The following C13orf46 variants were observed in gnomAD, a reference collection of about 807,000 sequenced individuals.
The protein encoded by C13orf46 is chromosome 13 open reading frame 46.
At chr13:113,945,600 A>T in the C13orf46 span, among the ~76,000 whole-genome samples, 3 of 131,580 alleles carry the variant, frequency 2.3e-5, no homozygotes, top group South Asian at 7.5e-4. Context: ...AGAGAAAGAA[A>T]GAAAGAAGAA....
chr13:113,929,956 C>T, the C13orf46 span, among the ~76,000 whole-genome samples: 1 of 152,218 alleles, frequency 6.6e-6, no homozygotes, highest in South Asian at 2.1e-4. Context: ...TCTTGCCAGG[C>T]CTGGGAGCAG....
chr13:113,936,746 G>C, the C13orf46 span, among the ~76,000 whole-genome samples: 1 of 152,090 alleles, frequency 6.6e-6, no homozygotes, highest in Non-Finnish European at 1.5e-5. Flanking sequence ...GTCGGGGTGT[G>C]GGAAATGGTC....
the C13orf46 span, among the ~76,000 whole-genome samples, chr13:113,937,979 G>A: frequency 0.13 from 19,822 of 152,180 alleles, 1,368 homozygotes; most frequent in Middle Eastern, 0.15. Flanking sequence ...TGAGGCAGGC[G>A]TGTAGCTTTT....
chr13:113,933,949 C>T, the C13orf46 span, among the ~76,000 whole-genome samples: 4 of 152,254 alleles, frequency 2.6e-5, no homozygotes, highest in South Asian at 2.1e-4. Flanking sequence ...ATTCTGGGTA[C>T]GACTCCGTGT....
chr13:113,935,626 C>G, the C13orf46 span, among the ~76,000 whole-genome samples: 1 of 152,224 alleles, frequency 6.6e-6, no homozygotes, highest in African/African-American at 2.4e-5. Flanking sequence ...CCTGGAAGGG[C>G]CAAACTGGCA....
chr13:113,965,839 G>GTGA (rs1308360080), intron 5 of C13orf46, among the ~76,000 whole-genome samples: 88,338 of 136,736 alleles, frequency 0.65, 27,812 homozygotes, highest in African/African-American at 0.78. Flanking sequence ...AATGGTGATG[G>GTGA]TGATGATGGT....
chr13:113,960,573 A>G (rs1304191345), intron 6 of C13orf46, among the ~76,000 whole-genome samples: 3 of 152,314 alleles, frequency 2.0e-5, no homozygotes, highest in Admixed American at 1.3e-4. Flanking sequence ...TTTTTCCTCC[A>G]GTTCTAACTC....
chr13:113,969,868 G>T (rs996895660), intron 2 of C13orf46, among the ~76,000 whole-genome samples: 192 of 152,262 alleles, frequency 1.3e-3, no homozygotes, highest in Non-Finnish European at 2.1e-3. Context: ...GAGGGCCATG[G>T]GGTGTCTACT....
At position 113,955,273 on chromosome 13, in the gene C13orf46, G is replaced by T. The variant is rs1306294949; in HGVS notation, c.*1500C>A. On this transcript the variant is annotated 3_prime_UTR_variant, in exon 7 of 7. Transcript: ENST00000636427. ...ACGAGGAGCATCTGGCGGAGAGGAG[G>T]AGTAGTATCTGGCGGAGAGGAGTAG... The T allele has an allele frequency of 5.3e-4, 105 of 198,086 alleles. No individual in the cohort carries two copies. The highest frequency in any genetic ancestry group is 4.0e-3 in the East Asian group (22 of 5,546). The allele number at this position is 198,086 out of a possible 1,614,324, so 12.3% of individuals were successfully genotyped here.
chr13:113,936,840 C>T, the C13orf46 span, among the ~76,000 whole-genome samples: 1 of 151,256 alleles, frequency 6.6e-6, no homozygotes, highest in Non-Finnish European at 1.5e-5. Context: ...TTGCAAAAAA[C>T]CTGAAAAGAC....
intron 1 of C13orf46, among the ~76,000 whole-genome samples, chr13:113,971,984 G>A (rs2052711031): frequency 6.6e-6 from 1 of 152,184 alleles, no homozygotes; most frequent in Non-Finnish European, 1.5e-5. Flanking sequence ...GGGAGGCTGT[G>A]CAGGGTGGAC....
the C13orf46 span, among the ~76,000 whole-genome samples, chr13:113,947,614 G>A: frequency 6.6e-6 from 1 of 152,222 alleles, no homozygotes; most frequent in African/African-American, 2.4e-5. Context: ...GCGGGGAGCT[G>A]GCAGCAAGGC....
intron 6 of C13orf46, among the ~76,000 whole-genome samples, chr13:113,962,485 A>G (rs1424188530): frequency 1.3e-5 from 2 of 152,256 alleles, no homozygotes; most frequent in African/African-American, 4.8e-5. Context: ...ATGCCCATTC[A>G]TTACAGCCAC....
the C13orf46 span, among the ~76,000 whole-genome samples, chr13:113,930,656 C>T: frequency 2.0e-5 from 3 of 152,234 alleles, no homozygotes; most frequent in South Asian, 2.1e-4. Flanking sequence ...ATCATGCTTC[C>T]GGTCCAGGAG....
Position 113,961,675 on chromosome 13 carries a change from A to C in C13orf46, c.572+3252T>G, listed in dbSNP as rs899177757. On this transcript the variant is annotated intron_variant, in intron 6 of 6. Coordinates refer to ENST00000636427, the MANE Select transcript of C13orf46 (RefSeq NM_001365455.2). ...GGAAATATTAAGAGCACAATTAATG[A>C]CATAATATACAAAAGTGGTTCCAGT... 9.5e-4 allele frequency among the ~76,000 whole-genome samples: 145 copies of C among 152,310 alleles called. 1 individual carries two copies. Among genetic ancestry groups the C allele is most frequent in the African/African-American group, 2.3e-3 (96 of 41,570 alleles).
At chr13:113,929,809 C>T in the C13orf46 span, among the ~76,000 whole-genome samples, 1 of 152,214 alleles carries the variant, frequency 6.6e-6, no homozygotes, top group African/African-American at 2.4e-5. Context: ...CCCGTGAGTT[C>T]ATCTGCCATA....
intron 6 of C13orf46, among the ~76,000 whole-genome samples, chr13:113,963,949 C>G (rs1594248768): frequency 6.6e-6 from 1 of 152,178 alleles, no homozygotes. Flanking sequence ...CTCCTGGGTT[C>G]AAGCGATTCT....
At chr13:113,933,680 A>G in the C13orf46 span, among the ~76,000 whole-genome samples, 7 of 152,180 alleles carry the variant, frequency 4.6e-5, no homozygotes, top group African/African-American at 1.7e-4. Flanking sequence ...TTCTCAGTAT[A>G]TAGGACTTGT....
At chr13:113,967,864 G>A (rs915863133) in intron 4 of C13orf46, among the ~76,000 whole-genome samples, 2 of 152,202 alleles carry the variant, frequency 1.3e-5, no homozygotes, top group Non-Finnish European at 2.9e-5. Flanking sequence ...GGATGTGAAC[G>A]GCTTCAGCGG....
Sources: gnomAD v4.1 joint callset for allele counts (sites outside exome capture counted in the v4.1 genomes callset) on GRCh38, gnomAD v4.1.1 for gene constraint, MANE v1.5 for transcripts, NCBI Gene and HGNC (gene_info 2026-07-23, HGNC 2026-07-21) for gene names.